The following NAV2 variants were observed in gnomAD, a reference collection of about 807,000 sequenced individuals.
NAV2 encodes helicase, APC down-regulated 1.
A neutral mutation model predicts 223.2 loss-of-function variants in NAV2; 54 were observed. The observed-to-expected ratio is 0.24, with a 90% CI of 0.19 to 0.30. The LOEUF is 0.30. Among genes scored for constraint, NAV2 ranks in the 10% least tolerant of loss-of-function variants. NAV2 has a pLI of 1.00. For synonymous variants in NAV2, 1,279 were observed against 1,239.3 expected (o/e 1.03, Z -0.67); for missense variants, 2,806 against 3,147.5 (o/e 0.89, Z 2.60).
intron 1 of NAV2, among the ~76,000 whole-genome samples, chr11:19,605,899 G>A (rs112014949): frequency 1.9e-4 from 29 of 152,170 alleles, no homozygotes; most frequent in East Asian, 1.9e-4. Flanking sequence ...AATGCAACCC[G>A]CTGCTCATCG....
intron 10 of NAV2, among the ~76,000 whole-genome samples, chr11:19,974,005 A>T (rs1223334842): frequency 6.6e-6 from 1 of 152,220 alleles, no homozygotes; most frequent in Admixed American, 6.5e-5. Flanking sequence ...TCAAGCCTTG[A>T]TTTGAGATGG....
In NAV2 at chr11:19,611,142, C is replaced by A. The variant is rs192912730; in HGVS notation, c.76-221342C>A. On this transcript the variant is annotated intron_variant, in intron 1 of 37. Coordinates refer to the NAV2 transcript ENST00000360655. ...AATGAGGAAGAAGCAAAAGCAGAAA[C>A]CCCTGATAAACCCATCAGATCTCGT... Among the ~76,000 whole-genome samples the A allele has an allele frequency of 3.3e-5, 5 of 152,272 alleles. No individual in the cohort carries two copies. The East Asian group carries it at 7.7e-4, about 23-fold the overall frequency.
chr11:19,725,020 A>T (rs907230852), intron 1 of NAV2, among the ~76,000 whole-genome samples: 2 of 152,244 alleles, frequency 1.3e-5, no homozygotes, highest in African/African-American at 4.8e-5. Context: ...CACATTGTGC[A>T]AGCTAAAGCA....
chr11:19,390,155 G>A (rs1849192921), intron 1 of NAV2, among the ~76,000 whole-genome samples: 2 of 152,138 alleles, frequency 1.3e-5, no homozygotes, highest in Admixed American at 1.3e-4. Flanking sequence ...CCTCACCATG[G>A]TCATTGCTTT....
intron 1 of NAV2, among the ~76,000 whole-genome samples, chr11:19,684,911 A>T (rs1205772540): frequency 6.6e-6 from 1 of 152,166 alleles, no homozygotes; most frequent in Non-Finnish European, 1.5e-5. Context: ...CTCTCAGTAC[A>T]GTGCCTGGCA....
chr11:20,084,143 G>C (rs897364806), intron 26 of NAV2, among the ~76,000 whole-genome samples: 1 of 152,212 alleles, frequency 6.6e-6, no homozygotes, highest in Admixed American at 6.5e-5. Flanking sequence ...TGTTGCCCAG[G>C]CTGGAGTGCA....
Position 19,594,771 on chromosome 11 carries a change from G to A in NAV2, c.76-237713G>A, listed in dbSNP as rs144117743. ...TTCTAGCTATGTAAACCTGAGCAGC[G>A]TGCTTAACTTTGCTAAGCCTCAGTT... On this transcript the variant is annotated intron_variant, in intron 1 of 37. Transcript: ENST00000360655. Among the ~76,000 whole-genome samples the A allele has an allele frequency of 2.8e-3, 419 of 152,268 alleles. 3 individuals are homozygous for A. The highest frequency in any genetic ancestry group is 8.7e-3 in the African/African-American group (360 of 41,546).
chr11:19,428,028 C>A lies in NAV2; in HGVS notation c.75+77001C>A, dbSNP rs2702640. On this transcript the variant is annotated intron_variant, in intron 1 of 37. Transcript: ENST00000360655. ...AATCAATCATTCCCTTTAGAACTTCCGGATTCTGGGTCCAAATTAGAAAGA... is the reference window on the plus strand; with the variant it reads ...AATCAATCATTCCCTTTAGAACTTCAGGATTCTGGGTCCAAATTAGAAAGA... Among the ~76,000 whole-genome samples, 38 of 152,004 alleles carry A rather than the reference C, an allele frequency of 2.5e-4. No individual in the cohort carries two copies. The South Asian group carries it at 7.9e-3, about 32-fold the overall frequency.
intron 12 of NAV2, among the ~76,000 whole-genome samples, chr11:20,036,742 A>G (rs936318983): frequency 1.3e-5 from 2 of 152,154 alleles, no homozygotes; most frequent in Non-Finnish European, 2.9e-5. Flanking sequence ...TTGAGCCTAC[A>G]TTCTCCATGT....
rs549084929 is a variant in NAV2 at position 19,390,283 on chromosome 11, C to T, written c.75+39256C>T. On this transcript the variant is annotated intron_variant, in intron 1 of 37. Transcript: ENST00000360655. ...GCCTTTCATGATGGATAGTCCTGGG[C>T]CCACAGTTTTCTGTTTCTCAAGTCT... Among the ~76,000 whole-genome samples, 111 of 152,142 alleles carry T rather than the reference C, an allele frequency of 7.3e-4. No individual in the cohort carries two copies. The South Asian group carries it at 0.012, about 16-fold the overall frequency.
At chr11:19,778,812 T>C (rs2152662805) in intron 1 of NAV2, among the ~76,000 whole-genome samples, 1 of 152,306 alleles carries the variant, frequency 6.6e-6, no homozygotes, top group Non-Finnish European at 1.5e-5. Flanking sequence ...CCAACCAGAC[T>C]GGTGTGGAAG....
intron 31 of NAV2, among the ~76,000 whole-genome samples, chr11:20,099,813 G>T (rs1344679547): frequency 6.6e-6 from 1 of 151,854 alleles, no homozygotes; most frequent in Non-Finnish European, 1.5e-5. Flanking sequence ...ATACAGAGAG[G>T]GTGTTCTAGT....
chr11:19,651,008 A>G, intron 1 of NAV2, among the ~76,000 whole-genome samples: 1 of 152,186 alleles, frequency 6.6e-6, no homozygotes, highest in African/African-American at 2.4e-5. Flanking sequence ...TGAGTGTTTT[A>G]TTCTATGTAA....
intron 1 of NAV2, among the ~76,000 whole-genome samples, chr11:19,699,894 G>C (rs1159039846): frequency 1.3e-5 from 2 of 152,108 alleles, no homozygotes; most frequent in Non-Finnish European, 2.9e-5. Flanking sequence ...GGTCCATTGT[G>C]GATGCCCCAG....
chr11:20,068,062 C>T, intron 20 of NAV2, 124 bp from the exon 21 acceptor site: 1 of 894,468 alleles, frequency 1.1e-6, no homozygotes, highest in Non-Finnish European at 1.8e-6. Context: ...AGAAATACAC[C>T]AGAAAAGAAA....
chr11:19,934,533 A>G (rs1046935180), intron 7 of NAV2, among the ~76,000 whole-genome samples: 1 of 152,142 alleles, frequency 6.6e-6, no homozygotes, highest in Non-Finnish European at 1.5e-5. Flanking sequence ...CAGGATGCAT[A>G]GGAAAGTGGG....
intron 1 of NAV2, among the ~76,000 whole-genome samples, chr11:19,805,954 GA>G (rs2058535719): frequency 6.6e-6 from 1 of 152,198 alleles, no homozygotes; most frequent in Non-Finnish European, 1.5e-5. Context: ...TAATTTCCAT[GA>G]AACCATGCGT....
intron 1 of NAV2, among the ~76,000 whole-genome samples, chr11:19,421,165 C>A (rs1027570188): frequency 6.6e-6 from 1 of 152,190 alleles, no homozygotes; most frequent in Non-Finnish European, 1.5e-5. Context: ...TGTTCACCTG[C>A]CCCAAGCCCT....
At chr11:19,459,407 A>T (rs1310056538) in intron 1 of NAV2, among the ~76,000 whole-genome samples, 1 of 152,240 alleles carries the variant, frequency 6.6e-6, no homozygotes, top group Non-Finnish European at 1.5e-5. Context: ...TCCTGGGATT[A>T]GCTCTGAGTG....
Sources: allele counts gnomAD v4.1 joint callset (sites outside exome capture counted in the v4.1 genomes callset), GRCh38; gene constraint gnomAD v4.1.1; transcripts MANE v1.5; gene names NCBI Gene and HGNC (gene_info 2026-07-23, HGNC 2026-07-21).